The following BICRAL variants were observed in gnomAD, a reference collection of about 807,000 sequenced individuals.
BICRAL encodes BICRA like chromatin remodeling complex associated protein.
Under a neutral mutation model 91.8 loss-of-function variants are expected in BICRAL, and 8 were observed. That is an observed-to-expected ratio of 0.09 (90% CI 0.05 to 0.16). BICRAL has a LOEUF of 0.16. BICRAL is among the 10% of genes least tolerant of loss of function. BICRAL has a pLI of 1.00. For missense variants in BICRAL, 1,038 were observed against 1,310.9 expected, an observed-to-expected ratio of 0.79 and a Z score of 3.21; for synonymous variants, 445 against 491.1, an observed-to-expected ratio of 0.91 and a Z score of 1.24.
rs1458011045 is a variant in BICRAL, at chr6:42,822,051, T to C, written c.29T>C (p.Leu10Pro). 2 of 1,606,442 alleles carry C rather than the reference T, an allele frequency of 1.2e-6. No homozygotes were observed. Among genetic ancestry groups the C allele is most frequent in the Non-Finnish European group, 1.7e-6 (2 of 1,173,480 alleles). ...GATGATGATGATGACTCGTGTCTCC[T>C]TGATCTTATTGGGTAAGATGCTTAT... MDDDDDSCL[L>P]DLIGDPQALN... The change falls in exon 3 of 13, where the codon CTT (leucine) becomes CCT (proline). Residue 10 changes from leucine to proline, a missense_variant. This residue lies in a region of BICRAL where 115 missense variants were observed against 121.5 expected (regional missense o/e 0.95). Transcript: ENST00000314073.
At chr6:42,798,146 A>G (rs9367164) in intron 1 of BICRAL, among the ~76,000 whole-genome samples, 71,805 of 151,438 alleles carry the variant, frequency 0.47, 18,620 homozygotes, top group African/African-American at 0.69. Context: ...AATGGTACGC[A>G]TGGACATAAA....
chr6:42,755,880 C>G (rs939388010), intron 1 of BICRAL, among the ~76,000 whole-genome samples: 1 of 151,860 alleles, frequency 6.6e-6, no homozygotes, highest in Non-Finnish European at 1.5e-5. Flanking sequence ...CACCGTGTTG[C>G]CCAGGTTGGT....
intron 1 of BICRAL, among the ~76,000 whole-genome samples, chr6:42,807,799 C>T (rs1463846682): frequency 2.0e-5 from 3 of 147,214 alleles, no homozygotes; most frequent in South Asian, 2.1e-4. Flanking sequence ...AGCGAGACTC[C>T]GTCTGAAAAA....
chr6:42,839,946 C>G (rs1764737011), intron 6 of BICRAL, among the ~76,000 whole-genome samples: 1 of 152,096 alleles, frequency 6.6e-6, no homozygotes, highest in Non-Finnish European at 1.5e-5. Flanking sequence ...TCTTTTTGTG[C>G]AGAGAGTGAT....
chr6:42,754,999 G>C (rs145307103), intron 1 of BICRAL, among the ~76,000 whole-genome samples: 104 of 152,346 alleles, frequency 6.8e-4, no homozygotes, highest in African/African-American at 2.4e-3. Flanking sequence ...GGGAGTACAG[G>C]TGCAGGAAAA....
rs1445540750 is a variant in BICRAL, at chr6:42,853,725, A to G, written c.2033A>G (p.His678Arg). 2.1e-5 allele frequency: 34 copies of G among 1,610,126 alleles called. No homozygotes were observed. The highest frequency in any genetic ancestry group is 2.9e-5 in the Non-Finnish European group (34 of 1,176,254). The change falls in exon 8 of 13, where the codon CAT (histidine) becomes CGT (arginine). Residue 678 changes from histidine (H) to arginine (R), a missense_variant. By Grantham distance (29) the His-to-Arg change is conservative. Coordinates refer to ENST00000314073, the MANE Select transcript of BICRAL (RefSeq NM_001393499.1). Reference protein sequence around the residue: ...QEKVVGSSPGHPAVQVESHSG... With the variant: ...QEKVVGSSPGRPAVQVESHSG... ...AAAGTAGTTGGATCATCTCCTGGCC[A>G]TCCAGCTGTGCAGGTAGAAAACTAT...
chr6:42,784,946 A>G (rs903862702), intron 1 of BICRAL, among the ~76,000 whole-genome samples: 7 of 152,154 alleles, frequency 4.6e-5, no homozygotes, highest in Non-Finnish European at 2.9e-5. Context: ...ACACAGACAC[A>G]CGTTTGGACT....
intron 9 of BICRAL, 44 bp from the exon 10 acceptor site, chr6:42,857,047 C>T: frequency 1.3e-6 from 2 of 1,527,056 alleles, no homozygotes; most frequent in Non-Finnish European, 1.8e-6. Flanking sequence ...GATTTAATTT[C>T]CTAACATGAC....
upstream of BICRAL, among the ~76,000 whole-genome samples, chr6:42,781,400 A>G (rs2113856827): frequency 6.6e-6 from 1 of 152,314 alleles, no homozygotes; most frequent in East Asian, 1.9e-4. Flanking sequence ...AAAGCTTAGT[A>G]CATTTGAAAG....
At chr6:42,842,542 T>C (rs1204278319) in intron 6 of BICRAL, among the ~76,000 whole-genome samples, 1 of 152,162 alleles carries the variant, frequency 6.6e-6, no homozygotes, top group Non-Finnish European at 1.5e-5. Context: ...GCCAGACTCA[T>C]TGTGTGTTCA....
At chr6:42,859,893 C>A (rs922250297) in intron 10 of BICRAL, among the ~76,000 whole-genome samples, 1 of 152,052 alleles carries the variant, frequency 6.6e-6, no homozygotes, top group African/African-American at 2.4e-5. Context: ...GATCCGCCCA[C>A]CTCGGCCTCC....
chr6:42,851,727 G>C (rs940884553), intron 6 of BICRAL, among the ~76,000 whole-genome samples: 1 of 152,190 alleles, frequency 6.6e-6, no homozygotes, highest in African/African-American at 2.4e-5. Context: ...CATAGGAGCT[G>C]ATAGTCAGGA....
chr6:42,836,898 G>A (rs950132940), intron 6 of BICRAL, among the ~76,000 whole-genome samples: 4 of 151,178 alleles, frequency 2.6e-5, no homozygotes, highest in African/African-American at 9.7e-5. Flanking sequence ...GGGATTACAG[G>A]TGTGAGACAC....
rs755757552 is a variant in BICRAL, at chr6:42,829,053, C to T, written c.720C>T (p.Gly240=). The T allele has an allele frequency of 4.3e-6, 7 of 1,613,868 alleles. No individual in the cohort carries two copies. Among genetic ancestry groups the T allele is most frequent in the Non-Finnish European group, 5.9e-6 (7 of 1,179,790 alleles). ...ATGGATCTCAAATCATATTAAAGGG[C>T]AGCGGGCAGCAAGCCCCATCAAATG... ...NLDGSQIILK[G]SGQQAPSNVS... Residue 240 remains glycine, a synonymous_variant, in exon 6 of 13, where the codon GGC becomes GGT. Coordinates refer to ENST00000314073, the MANE Select transcript of BICRAL (RefSeq NM_001393499.1).
chr6:42,777,588 T>G (rs929642745), upstream of BICRAL, among the ~76,000 whole-genome samples: 9 of 152,218 alleles, frequency 5.9e-5, no homozygotes, highest in Non-Finnish European at 1.2e-4. Context: ...TCTGGATACA[T>G]CTGGTCATGC....
chr6:42,834,939 T>G (rs950798700), intron 6 of BICRAL, among the ~76,000 whole-genome samples: 4 of 152,146 alleles, frequency 2.6e-5, no homozygotes. Flanking sequence ...GCTACTAAGG[T>G]CATTTCAGTT....
chr6:42,829,257 A>G lies in BICRAL; in HGVS notation c.924A>G (p.Lys308=). 6.2e-7 allele frequency: 1 copy of G among 1,614,148 alleles called. No individual in the cohort carries two copies. Among genetic ancestry groups the G allele is most frequent in the African/African-American group, 1.3e-5 (1 of 75,056 alleles). The change falls in exon 6 of 13, where the codon AAA becomes AAG. Residue 308 remains lysine (K), a synonymous_variant. Transcript: ENST00000314073. ...IQRGLAPNSN[K]VPINIQPKPI... ...GGGGTCTTGCACCAAATTCAAATAA[A>G]GTCCCAATTAATATACAGCCAAAGC... is the stretch of plus-strand genomic sequence containing the variant.
At chr6:42,778,975 G>T (rs1762840585), upstream of BICRAL, among the ~76,000 whole-genome samples, 1 of 151,746 alleles carries the variant, frequency 6.6e-6, no homozygotes, top group South Asian at 2.1e-4. Context: ...CTGCCACCAC[G>T]CCTGGCTAAT....
At chr6:42,849,570 G>A (rs570206681) in intron 6 of BICRAL, among the ~76,000 whole-genome samples, 1 of 151,650 alleles carries the variant, frequency 6.6e-6, no homozygotes, top group African/African-American at 2.4e-5. Flanking sequence ...TTCTCAAGTA[G>A]CTGGGGCTAT....
Sources: gnomAD v4.1 joint callset for allele counts (sites outside exome capture counted in the v4.1 genomes callset) on GRCh38, gnomAD v4.1.1 for gene constraint, gnomAD v4.1.1 regional missense constraint, MANE v1.5 for transcripts, NCBI Gene and HGNC (gene_info 2026-07-23, HGNC 2026-07-21) for gene names.